The following GSDMC variants were observed in gnomAD, a reference collection of about 807,000 sequenced individuals.
GSDMC encodes the protein gasdermin-C.
Under a neutral mutation model 58.0 loss-of-function variants are expected in GSDMC, and 59 were observed. That is an observed-to-expected ratio of 1.02 (90% confidence interval 0.82 to 1.26). GSDMC has a LOEUF of 1.26. GSDMC is among the 50% of genes most tolerant of loss of function. The pLI is 0.00. For synonymous variants in GSDMC, 241 were observed against 220.2 expected (o/e 1.09, Z -0.83); for missense variants, 659 against 598.5 (o/e 1.10, Z -1.06).
At chr8:129,732,570 G>A in the GSDMC span, among the ~76,000 whole-genome samples, 2 of 152,202 alleles carry the variant, frequency 1.3e-5, no homozygotes, top group African/African-American at 4.8e-5. Context: ...GCAATGGTCT[G>A]TAATCAAAAT....
At chr8:129,762,879 T>C in intron 4 of GSDMC, 148 bp from the exon 5 acceptor site, 1 of 567,804 alleles carries the variant, frequency 1.8e-6, no homozygotes, top group Admixed American at 3.2e-5. Context: ...CTGCTCTTTC[T>C]TCCTTATTTC....
chr8:129,714,880 TCTC>T, the GSDMC span, among the ~76,000 whole-genome samples: 1 of 152,182 alleles, frequency 6.6e-6, no homozygotes, highest in Non-Finnish European at 1.5e-5. Flanking sequence ...TGATTTTTCT[TCTC>T]TTAAATTCTT....
At chr8:129,713,478 G>C in the GSDMC span, among the ~76,000 whole-genome samples, 1 of 152,146 alleles carries the variant, frequency 6.6e-6, no homozygotes, top group African/African-American at 2.4e-5. Flanking sequence ...TTGCCATTAT[G>C]AAACCCCAAA....
chr8:129,769,498 G>GC (rs1406678297), intron 3 of GSDMC, among the ~76,000 whole-genome samples: 4 of 152,154 alleles, frequency 2.6e-5, no homozygotes, highest in Non-Finnish European at 5.9e-5. Flanking sequence ...AGTCCTCAGA[G>GC]CATGGCACCA....
chr8:129,772,250 G>C lies in GSDMC; in HGVS notation c.404+3852C>G, dbSNP rs2034082828. Among the ~76,000 whole-genome samples the C allele has an allele frequency of 5.5e-5, 6 of 109,566 alleles. No individual in the cohort carries two copies. The Admixed American group carries it at 6.9e-4, about 13-fold the overall frequency. 71.9% of individuals were successfully genotyped at this position (109,566 alleles called of 152,430 possible). On this transcript the variant is annotated intron_variant, in intron 3 of 13. Coordinates refer to ENST00000276708, the MANE Select transcript of GSDMC (RefSeq NM_031415.3). ...CACTCCAGCCTGGGCGACAGAGCGA[G>C]ACTCCGTCTCAAAAAAAAAAAAAAA...
At chr8:129,777,855 G>A (rs890143726) in intron 1 of GSDMC, among the ~76,000 whole-genome samples, 1 of 152,080 alleles carries the variant, frequency 6.6e-6, no homozygotes, top group African/African-American at 2.4e-5. Flanking sequence ...TAGCATCTGG[G>A]ATTATAGGCA....
chr8:129,761,272 C>T (rs1474376003), intron 5 of GSDMC, among the ~76,000 whole-genome samples: 1 of 152,134 alleles, frequency 6.6e-6, no homozygotes, highest in Non-Finnish European at 1.5e-5. Flanking sequence ...GGATCTTTCC[C>T]CTAGCTTGAC....
intron 6 of GSDMC, 30 bp from the exon 7 acceptor site, chr8:129,752,850 G>A: frequency 6.2e-7 from 1 of 1,613,734 alleles, no homozygotes; most frequent in Non-Finnish European, 8.5e-7. Flanking sequence ...AGAATGACTG[G>A]GTAACTTTAC....
intron 1 of GSDMC, among the ~76,000 whole-genome samples, chr8:129,785,279 C>G (rs907902453): frequency 2.6e-5 from 4 of 151,770 alleles, no homozygotes; most frequent in Non-Finnish European, 5.9e-5. Flanking sequence ...GTGAAATAAG[C>G]CAGGCACAGA....
At chr8:129,738,089 G>A in the GSDMC span, among the ~76,000 whole-genome samples, 3 of 152,200 alleles carry the variant, frequency 2.0e-5, no homozygotes, top group Non-Finnish European at 4.4e-5. Flanking sequence ...CTGGCCATAA[G>A]AGAAATGCAA....
chr8:129,746,447 T>TAA (rs1233546534), downstream of GSDMC, among the ~76,000 whole-genome samples: 1 of 152,084 alleles, frequency 6.6e-6, no homozygotes, highest in Non-Finnish European at 1.5e-5. Context: ...TTAGACAAGA[T>TAA]AATGTATGGA....
the GSDMC span, among the ~76,000 whole-genome samples, chr8:129,719,185 T>TA: frequency 6.6e-6 from 1 of 151,904 alleles, no homozygotes; most frequent in African/African-American, 2.4e-5. Context: ...AGTAAAATAA[T>TA]AACAAAAAAA....
intron 6 of GSDMC, among the ~76,000 whole-genome samples, chr8:129,754,610 A>G (rs988065088): frequency 4.6e-5 from 7 of 152,216 alleles, no homozygotes; most frequent in South Asian, 2.1e-4. Flanking sequence ...CCAATGAACG[A>G]AACAAGGCAC....
intron 3 of GSDMC, among the ~76,000 whole-genome samples, chr8:129,767,311 A>C (rs2033895761): frequency 6.6e-6 from 1 of 152,130 alleles, no homozygotes; most frequent in Non-Finnish European, 1.5e-5. Context: ...GCCAGCCAGC[A>C]ACCACACCTA....
the GSDMC span, among the ~76,000 whole-genome samples, chr8:129,731,745 C>G: frequency 6.6e-6 from 1 of 152,330 alleles, no homozygotes; most frequent in East Asian, 1.9e-4. Context: ...CATGTAAAAA[C>G]ACCCTCACAG....
chr8:129,717,272 T>TTTG, the GSDMC span, among the ~76,000 whole-genome samples: 1 of 123,816 alleles, frequency 8.1e-6, no homozygotes, highest in Non-Finnish European at 1.7e-5. Flanking sequence ...TTTTTTTTTT[T>TTTG]ATTGGTAGGC....
At position 129,748,447 on chromosome 8, in the gene GSDMC, G is replaced by T. The variant is rs2033023831; in HGVS notation, c.*54C>A. 3 of 1,543,738 alleles carry T rather than the reference G, an allele frequency of 1.9e-6. No homozygotes were observed. Among genetic ancestry groups the T allele is most frequent in the Admixed American group, 2.0e-5 (1 of 50,520 alleles). ...TCTTGCACCCATAAGGACACTCACA[G>T]CATAGACTGGGCGAGGGCCAGCATC... On this transcript the variant is annotated 3_prime_UTR_variant, in exon 14 of 14. Transcript: ENST00000276708.
chr8:129,769,159 C>T (rs1346580965), intron 3 of GSDMC, among the ~76,000 whole-genome samples: 1 of 151,852 alleles, frequency 6.6e-6, no homozygotes, highest in Non-Finnish European at 1.5e-5. Context: ...AAGTGGGCAT[C>T]AAAATTTGTG....
At chr8:129,727,027 T>C in the GSDMC span, among the ~76,000 whole-genome samples, 3 of 44,374 alleles carry the variant, frequency 6.8e-5, no homozygotes, top group Non-Finnish European at 8.7e-5. Flanking sequence ...CACACACACC[T>C]ATTCACATAC....
Sources: gnomAD v4.1 joint callset for allele counts (sites outside exome capture counted in the v4.1 genomes callset) on GRCh38, gnomAD v4.1.1 for gene constraint, MANE v1.5 for transcripts, NCBI Gene and HGNC (gene_info 2026-07-23, HGNC 2026-07-21) for gene names.